Variants in JAZF1 observed in about 807,000 individuals in gnomAD.
The protein encoded by JAZF1 is juxtaposed with another zinc finger protein 1.
JAZF1 carries 8 observed loss-of-function variants against 26.4 expected under a neutral mutation model. That is an observed-to-expected ratio of 0.30 (90% CI 0.18 to 0.55). JAZF1 has a LOEUF of 0.55. Ranked by LOEUF, JAZF1 falls within the 20% of genes least tolerant of loss-of-function variation. The pLI, the probability that JAZF1 is intolerant of heterozygous loss-of-function variation, is 0.94. For synonymous variants in JAZF1, 126 were observed against 122.3 expected (o/e 1.03, Z -0.20); for missense variants, 199 against 322.0 (o/e 0.62, Z 2.92).
intron 3 of JAZF1, among the ~76,000 whole-genome samples, chr7:27,868,847 G>C (rs1409353776): frequency 1.3e-5 from 2 of 152,136 alleles, no homozygotes; most frequent in Admixed American, 6.5e-5. Flanking sequence ...CTAATACATG[G>C]AGAAGGCTTT....
At chr7:28,000,378 G>A (rs1786120297) in intron 1 of JAZF1, among the ~76,000 whole-genome samples, 1 of 152,104 alleles carries the variant, frequency 6.6e-6, no homozygotes, top group Admixed American at 6.5e-5. Flanking sequence ...ACAACAAAGA[G>A]TCATCTGGTC....
intron 3 of JAZF1, among the ~76,000 whole-genome samples, chr7:27,878,350 A>C (rs924601884): frequency 7.4e-5 from 11 of 149,560 alleles, no homozygotes; most frequent in Non-Finnish European, 1.3e-4. Context: ...AATATATTTT[A>C]CATTACAACT....
intron 1 of JAZF1, among the ~76,000 whole-genome samples, chr7:28,033,508 G>A (rs1261420857): frequency 3.9e-5 from 6 of 152,172 alleles, no homozygotes; most frequent in East Asian, 3.8e-4. Flanking sequence ...GGAAGAGAGA[G>A]GACGTACCGC....
intron 2 of JAZF1, among the ~76,000 whole-genome samples, chr7:27,926,943 T>A (rs748906964): frequency 6.6e-6 from 1 of 152,044 alleles, no homozygotes; most frequent in Non-Finnish European, 1.5e-5. Context: ...CTTTAGGGGA[T>A]TAGACCACAT....
At chr7:27,893,331 T>C (rs1583451248) in intron 3 of JAZF1, among the ~76,000 whole-genome samples, 1 of 152,338 alleles carries the variant, frequency 6.6e-6, no homozygotes, top group South Asian at 2.1e-4. Context: ...TCAGAGAAGA[T>C]AATTTTAATC....
chr7:27,960,387 T>C (rs1038204436), intron 2 of JAZF1, among the ~76,000 whole-genome samples: 2 of 152,252 alleles, frequency 1.3e-5, no homozygotes, highest in Non-Finnish European at 2.9e-5. Flanking sequence ...ACAATTTCTT[T>C]AGGTTACACT....
At chr7:28,168,801 T>G (rs1783409282) in intron 1 of JAZF1, among the ~76,000 whole-genome samples, 1 of 152,106 alleles carries the variant, frequency 6.6e-6, no homozygotes, top group Non-Finnish European at 1.5e-5. Flanking sequence ...CCTTTAAAAG[T>G]TTGATTCCTT....
At chr7:27,926,810 T>C (rs1784606824) in intron 2 of JAZF1, among the ~76,000 whole-genome samples, 2 of 152,168 alleles carry the variant, frequency 1.3e-5, no homozygotes, top group Non-Finnish European at 1.5e-5. Context: ...TCCTTCCATG[T>C]TGGGGATTGG....
At chr7:28,093,516 C>CA (rs1187462173) in intron 1 of JAZF1, among the ~76,000 whole-genome samples, 1 of 152,078 alleles carries the variant, frequency 6.6e-6, no homozygotes, top group African/African-American at 2.4e-5. Context: ...ATGTTGCAGA[C>CA]AAAAAAATTA....
At chr7:28,033,781 C>G (rs1783234153) in intron 1 of JAZF1, among the ~76,000 whole-genome samples, 1 of 152,200 alleles carries the variant, frequency 6.6e-6, no homozygotes, top group African/African-American at 2.4e-5. Flanking sequence ...CTCACTCTGT[C>G]ACCCAGGCTG....
At chr7:28,051,822 A>G (rs938114596) in intron 1 of JAZF1, among the ~76,000 whole-genome samples, 4 of 152,228 alleles carry the variant, frequency 2.6e-5, no homozygotes, top group African/African-American at 9.6e-5. Flanking sequence ...TAACTCAGAG[A>G]ACAGAAATCA....
At chr7:27,916,438 CACA>C (rs1417628257) in intron 2 of JAZF1, among the ~76,000 whole-genome samples, 7 of 152,116 alleles carry the variant, frequency 4.6e-5, no homozygotes, top group Non-Finnish European at 1.0e-4. Context: ...AGCCTCTGGC[CACA>C]ACATTTTCCT....
At chr7:27,855,521 T>TA (rs1388555265) in intron 3 of JAZF1, among the ~76,000 whole-genome samples, 1 of 152,024 alleles carries the variant, frequency 6.6e-6, no homozygotes, top group Non-Finnish European at 1.5e-5. Flanking sequence ...TAAAAAATGA[T>TA]AAAGAGGATA....
intron 3 of JAZF1, among the ~76,000 whole-genome samples, chr7:27,893,658 A>G (rs1784012376): frequency 6.6e-6 from 1 of 152,194 alleles, no homozygotes; most frequent in Non-Finnish European, 1.5e-5. Flanking sequence ...AGAATTCTAT[A>G]TAGCACTTGT....
rs13245545 is a variant in JAZF1 at position 27,973,114 on chromosome 7, C to A, written c.188+18795G>T. On this transcript the variant is annotated intron_variant, in intron 2 of 4. Transcript: ENST00000283928. ...TAACATTTGTTAACTTGGGGTGGGG[C>A]AGGGTGGGGTGTTAGGGAGAGAGGA... 3.1e-3 allele frequency among the ~76,000 whole-genome samples: 472 copies of A among 152,018 alleles called. 2 individuals are homozygous for A. The highest frequency in any genetic ancestry group is 3.6e-3 in the Non-Finnish European group (248 of 67,972).
chr7:27,862,532 A>G (rs746031572), intron 3 of JAZF1, among the ~76,000 whole-genome samples: 3 of 152,176 alleles, frequency 2.0e-5, no homozygotes, highest in Non-Finnish European at 4.4e-5. Context: ...CATCATCTCA[A>G]ACAATTTCAG....
At chr7:27,932,470 G>A (rs1469953454) in intron 2 of JAZF1, among the ~76,000 whole-genome samples, 4 of 152,078 alleles carry the variant, frequency 2.6e-5, no homozygotes, top group Non-Finnish European at 4.4e-5. Context: ...AGGTGCAGGT[G>A]GAAGAGAGGG....
intron 2 of JAZF1, among the ~76,000 whole-genome samples, chr7:27,964,137 A>G (rs1785233271): frequency 6.6e-6 from 1 of 152,214 alleles, no homozygotes; most frequent in Non-Finnish European, 1.5e-5. Flanking sequence ...TCCAAAACAC[A>G]CAAAAATTGT....
chr7:28,066,626 A>AAG (rs1237093655), intron 1 of JAZF1, among the ~76,000 whole-genome samples: 17 of 150,904 alleles, frequency 1.1e-4, no homozygotes, highest in African/African-American at 4.1e-4. Context: ...AAAAAAAAAA[A>AAG]AGAGAAAGCA....
Sources: gnomAD v4.1 joint callset for allele counts (sites outside exome capture counted in the v4.1 genomes callset) on GRCh38, gnomAD v4.1.1 for gene constraint, MANE v1.5 for transcripts, NCBI Gene and HGNC (gene_info 2026-07-23, HGNC 2026-07-21) for gene names.